Variants in FSTL4 observed in about 807,000 individuals in gnomAD.
FSTL4 encodes the protein follistatin-related protein 4.
A neutral mutation model predicts 78.2 loss-of-function variants in FSTL4; 28 were observed. The ratio of observed to expected loss-of-function variants is 0.36; its 90% confidence interval spans 0.27 to 0.49. The LOEUF is 0.49. Ranked by LOEUF, FSTL4 falls within the 20% of genes least tolerant of loss-of-function variation. The pLI is 0.98. For synonymous variants in FSTL4, 422 were observed against 440.5 expected (o/e 0.96, Z 0.53); for missense variants, 922 against 1,084.9 (o/e 0.85, Z 2.11).
intron 3 of FSTL4, among the ~76,000 whole-genome samples, chr5:133,414,592 A>AG (rs1341618627): frequency 1.3e-5 from 2 of 152,228 alleles, no homozygotes; most frequent in Non-Finnish European, 1.5e-5. Flanking sequence ...TTTAGCCTCT[A>AG]GGTAGTCCTT....
the FSTL4 span, among the ~76,000 whole-genome samples, chr5:133,775,632 C>A: frequency 2.0e-5 from 3 of 152,160 alleles, no homozygotes; most frequent in African/African-American, 7.2e-5. Context: ...AAGATCAAGC[C>A]TGAGCAGGCC....
chr5:133,752,713 T>G, the FSTL4 span, among the ~76,000 whole-genome samples: 4 of 152,174 alleles, frequency 2.6e-5, no homozygotes, highest in Non-Finnish European at 5.9e-5. Context: ...AAAGTCCTCT[T>G]CCACTGCCTA....
chr5:133,585,159 A>T (rs1272448997), intron 2 of FSTL4, among the ~76,000 whole-genome samples: 1 of 90,780 alleles, frequency 1.1e-5, no homozygotes, highest in Non-Finnish European at 2.3e-5. Context: ...AACAACCAGT[A>T]CCAGCCGCTG....
Position 133,506,157 on chromosome 5 carries a change from T to A in FSTL4, c.160+61029A>T, listed in dbSNP as rs548420291. On this transcript the variant is annotated intron_variant, in intron 3 of 15. Transcript: ENST00000265342. The stretch of plus-strand genomic sequence containing the variant: ...TGCTGGTAATTGTTTTGTAAAAAAA[T>A]AACGACTGTCAATTCATTTGATTGT... Among the ~76,000 whole-genome samples, 4 of 152,218 alleles carry A rather than the reference T, an allele frequency of 2.6e-5. No homozygotes were observed. The South Asian group carries it at 8.3e-4, about 32-fold the overall frequency.
intron 4 of FSTL4, among the ~76,000 whole-genome samples, chr5:133,379,414 G>A (rs1045309141): frequency 2.0e-5 from 3 of 151,618 alleles, no homozygotes; most frequent in Non-Finnish European, 2.9e-5. Flanking sequence ...ACTAGATCCC[G>A]CTGGAACACC....
At chr5:133,759,983 C>T in the FSTL4 span, among the ~76,000 whole-genome samples, 3 of 152,262 alleles carry the variant, frequency 2.0e-5, no homozygotes, top group Non-Finnish European at 2.9e-5. Context: ...AAAAACCAAA[C>T]AGGCTGAGCT....
the FSTL4 span, among the ~76,000 whole-genome samples, chr5:133,781,301 C>T: frequency 6.6e-6 from 1 of 151,994 alleles, no homozygotes; most frequent in East Asian, 1.9e-4. Context: ...GCTGCCCCTG[C>T]CTAGAGGTAG....
Position 133,490,603 on chromosome 5 carries a change from T to G in FSTL4, c.160+76583A>C, listed in dbSNP as rs57572635. Among the ~76,000 whole-genome samples the G allele has an allele frequency of 5.0e-3, 757 of 152,356 alleles. 4 individuals carry two copies. The highest frequency in any genetic ancestry group is 0.018 in the African/African-American group (734 of 41,580). ...AATTCATTATTGCTTGCTTCTAAACTTTCAGCGATTTCAGTTAGGACCTAT... is the reference window on the plus strand; with the variant it reads ...AATTCATTATTGCTTGCTTCTAAACGTTCAGCGATTTCAGTTAGGACCTAT... On this transcript the variant is annotated intron_variant, in intron 3 of 15. Transcript: ENST00000265342.
chr5:133,417,796 T>A (rs374259120), intron 3 of FSTL4, among the ~76,000 whole-genome samples: 14 of 151,262 alleles, frequency 9.3e-5, no homozygotes, highest in African/African-American at 3.4e-4. Flanking sequence ...CCATCTCTAT[T>A]AAAAATACAA....
At chr5:133,421,174 G>A (rs1756684481) in intron 3 of FSTL4, among the ~76,000 whole-genome samples, 1 of 152,236 alleles carries the variant, frequency 6.6e-6, no homozygotes, top group Non-Finnish European at 1.5e-5. Flanking sequence ...ACACCACCAG[G>A]CATCTCAGGG....
intron 3 of FSTL4, among the ~76,000 whole-genome samples, chr5:133,412,690 A>G (rs971282711): frequency 1.3e-5 from 2 of 151,944 alleles, no homozygotes; most frequent in Non-Finnish European, 2.9e-5. Flanking sequence ...CTCCAGTTCT[A>G]TTCCCTCATT....
At chr5:133,351,145 A>G (rs907289261) in intron 4 of FSTL4, among the ~76,000 whole-genome samples, 8 of 152,098 alleles carry the variant, frequency 5.3e-5, no homozygotes, top group Non-Finnish European at 1.2e-4. Context: ...CCTATACCTG[A>G]GCCCTTCTCG....
chr5:133,692,802 A>G, the FSTL4 span, among the ~76,000 whole-genome samples: 53,900 of 151,916 alleles, frequency 0.35, 10,530 homozygotes, highest in African/African-American at 0.53. Context: ...TTATTATCCA[A>G]TGACTTCCTA....
chr5:133,329,418 T>A (rs886133542), intron 4 of FSTL4, among the ~76,000 whole-genome samples: 3 of 152,114 alleles, frequency 2.0e-5, no homozygotes, highest in African/African-American at 4.8e-5. Context: ...TATATTTATT[T>A]ATTAAGTATT....
intron 3 of FSTL4, among the ~76,000 whole-genome samples, chr5:133,499,414 A>C (rs922364695): frequency 2.7e-5 from 4 of 150,590 alleles, no homozygotes; most frequent in Admixed American, 6.6e-5. Flanking sequence ...ACACACACAC[A>C]CAGAGTGTGT....
At chr5:133,561,944 C>T (rs538529485) in intron 3 of FSTL4, among the ~76,000 whole-genome samples, 20 of 152,244 alleles carry the variant, frequency 1.3e-4, no homozygotes, top group African/African-American at 4.1e-4. Flanking sequence ...AACAAGGCAA[C>T]GCAACCCAGA....
At chr5:133,805,272 C>T in the FSTL4 span, among the ~76,000 whole-genome samples, 2 of 152,056 alleles carry the variant, frequency 1.3e-5, no homozygotes, top group Non-Finnish European at 1.5e-5. Context: ...AGGAGTCCAC[C>T]CTAGGCATAA....
the FSTL4 span, among the ~76,000 whole-genome samples, chr5:133,757,310 A>G: frequency 2.0e-5 from 3 of 152,212 alleles, no homozygotes; most frequent in East Asian, 1.9e-4. Context: ...ACATTTATCA[A>G]TGAATATTTT....
intron 8 of FSTL4, among the ~76,000 whole-genome samples, chr5:133,230,110 G>A (rs1751449192): frequency 6.6e-6 from 1 of 152,200 alleles, no homozygotes; most frequent in Admixed American, 6.5e-5. Context: ...TCTGTATGGT[G>A]GGTGGTACAC....
Sources: allele counts gnomAD v4.1 joint callset (sites outside exome capture counted in the v4.1 genomes callset), GRCh38; gene constraint gnomAD v4.1.1; transcripts MANE v1.5; gene names NCBI Gene and HGNC (gene_info 2026-07-23, HGNC 2026-07-21).